Variants in PDE3B observed in about 807,000 individuals in gnomAD.
PDE3B encodes the protein cGMP-inhibited 3',5'-cyclic phosphodiesterase 3B.
A neutral mutation model predicts 116.8 loss-of-function variants in PDE3B; 66 were observed. The observed-to-expected ratio is 0.56, with a 90% confidence interval of 0.46 to 0.69. The LOEUF is 0.69. Ranked by LOEUF, PDE3B falls within the 30% of genes least tolerant of loss-of-function variation. PDE3B has a pLI of 0.00. For synonymous variants in PDE3B, 595 were observed against 533.6 expected (o/e 1.12, Z -1.59); for missense variants, 1,384 against 1,368.1 (o/e 1.01, Z -0.18).
chr11:14,673,636 T>C (rs897463155), intron 1 of PDE3B: 23 of 670,508 alleles, frequency 3.4e-5, no homozygotes, highest in African/African-American at 2.6e-4. Flanking sequence ...TCTCTGGCAC[T>C]AAACAAAGTT....
At chr11:14,832,895 A>T (rs1216656837) in intron 10 of PDE3B, 62 bp downstream of exon 10, 12 of 725,192 alleles carry the variant, frequency 1.7e-5, no homozygotes, top group Non-Finnish European at 2.6e-5. Flanking sequence ...ACTCTTTATC[A>T]TCTTTCTCTT....
chr11:14,828,088 A>C (rs1284552190), intron 7 of PDE3B, among the ~76,000 whole-genome samples: 2 of 152,244 alleles, frequency 1.3e-5, no homozygotes, highest in Non-Finnish European at 1.5e-5. Flanking sequence ...CCTATTCAAT[A>C]AATGGTGGTG....
At chr11:14,885,712 TTAAAA>T in the PDE3B span, 34 of 1,555,910 alleles carry the variant, frequency 2.2e-5, 1 homozygote, top group Middle Eastern at 4.6e-4. Context: ...GCACTAAAAC[TTAAAA>T]TAAGGAATGT....
At chr11:14,767,051 C>CT (rs1292750401) in intron 1 of PDE3B, among the ~76,000 whole-genome samples, 1 of 151,480 alleles carries the variant, frequency 6.6e-6, no homozygotes, top group Non-Finnish European at 1.5e-5. Flanking sequence ...CAGCAATAGT[C>CT]TATCTTTTTT....
At position 14,859,114 on chromosome 11, in the gene PDE3B, T is replaced by C. The variant is rs781882673; in HGVS notation, c.2592T>C (p.Ser864=). The change falls in exon 13 of 16, where the codon TCT becomes TCC. Residue 864 remains serine (S), a synonymous_variant. Transcript: ENST00000282096. ...HAASAWNLYL[S]RPEYNFLLHL... is the part of the protein sequence containing the mutation. ...CGTCAGCTTGGAATCTATATCTTTC[T>C]CGCCCAGAATACAACTTCCTTCTTC... 1 of 1,613,718 alleles carries C rather than the reference T, an allele frequency of 6.2e-7. No homozygotes were observed. Among genetic ancestry groups the C allele is most frequent in the Non-Finnish European group, 8.5e-7 (1 of 1,179,746 alleles).
intron 13 of PDE3B, 141 bp downstream of exon 13, chr11:14,859,387 C>T (rs1847906615): frequency 2.0e-6 from 1 of 495,826 alleles, no homozygotes; most frequent in Non-Finnish European, 3.5e-6. Context: ...ATATATATGC[C>T]TATATTTTTA....
intron 3 of PDE3B, 141 bp downstream of exon 3, chr11:14,786,826 C>A: frequency 1.6e-6 from 1 of 626,396 alleles, no homozygotes; most frequent in Non-Finnish European, 2.8e-6. Flanking sequence ...ATGTTAGAGG[C>A]AATTATAAGC....
intron 12 of PDE3B, among the ~76,000 whole-genome samples, chr11:14,847,992 GC>G (rs1590191518): frequency 6.6e-6 from 1 of 152,082 alleles, no homozygotes; most frequent in Non-Finnish European, 1.5e-5. Flanking sequence ...ATTTTATGAG[GC>G]CAGCATCATC....
At chr11:14,775,645 C>G (rs891122599) in intron 2 of PDE3B, 1 of 152,508 alleles carries the variant, frequency 6.6e-6, no homozygotes. Context: ...TCAAGCGATT[C>G]TCCTGCCTCA....
downstream of PDE3B, among the ~76,000 whole-genome samples, chr11:14,874,083 G>T (rs554289893): frequency 2.0e-5 from 3 of 152,230 alleles, no homozygotes; most frequent in African/African-American, 7.2e-5. Flanking sequence ...TTGTTACTTG[G>T]TGTGGTATTG....
At chr11:14,889,779 T>A in the PDE3B span, among the ~76,000 whole-genome samples, 1 of 152,186 alleles carries the variant, frequency 6.6e-6, no homozygotes, top group Non-Finnish European at 1.5e-5. Context: ...TTCAAATAAC[T>A]TGTTTAAAAA....
intron 7 of PDE3B, among the ~76,000 whole-genome samples, chr11:14,823,868 C>T (rs761830358): frequency 2.6e-5 from 4 of 152,136 alleles, no homozygotes; most frequent in Non-Finnish European, 5.9e-5. Context: ...GGGTCTCCAG[C>T]TCCCCTCACC....
At chr11:14,730,152 G>A (rs188047424) in intron 1 of PDE3B, among the ~76,000 whole-genome samples, 7 of 152,274 alleles carry the variant, frequency 4.6e-5, no homozygotes, top group African/African-American at 1.7e-4. Flanking sequence ...GAACCTCGAT[G>A]TTGCTACCAT....
intron 4 of PDE3B, among the ~76,000 whole-genome samples, chr11:14,801,497 C>G (rs755166770): frequency 1.3e-5 from 2 of 152,228 alleles, no homozygotes; most frequent in Non-Finnish European, 2.9e-5. Flanking sequence ...CCTGTTCTTT[C>G]CTCTGGAAGC....
chr11:14,879,129 C>T, the PDE3B span: 34 of 1,612,812 alleles, frequency 2.1e-5, no homozygotes, highest in Non-Finnish European at 2.7e-5. Context: ...GAAAAAGGAA[C>T]CAAAGCTTCC....
At chr11:14,710,353 C>T (rs1042867392) in intron 1 of PDE3B, among the ~76,000 whole-genome samples, 3 of 152,122 alleles carry the variant, frequency 2.0e-5, no homozygotes, top group Non-Finnish European at 4.4e-5. Context: ...TCCTCTTCCA[C>T]CCAGTCCCTC....
intron 1 of PDE3B, among the ~76,000 whole-genome samples, chr11:14,668,348 C>A (rs1489572752): frequency 6.6e-6 from 1 of 152,084 alleles, no homozygotes; most frequent in South Asian, 2.1e-4. Flanking sequence ...AAAATCCTTT[C>A]CTCACTTTTG....
At chr11:14,706,282 A>G (rs2133823092) in intron 1 of PDE3B, among the ~76,000 whole-genome samples, 1 of 152,054 alleles carries the variant, frequency 6.6e-6, no homozygotes, top group African/African-American at 2.4e-5. Flanking sequence ...TGAATGAAGA[A>G]GGAAAATTAA....
At chr11:14,696,559 A>G (rs1477289456) in intron 1 of PDE3B, among the ~76,000 whole-genome samples, 1 of 152,092 alleles carries the variant, frequency 6.6e-6, no homozygotes, top group African/African-American at 2.4e-5. Flanking sequence ...GAGTGCTTCT[A>G]TATATGTTGA....
Sources: allele counts gnomAD v4.1 joint callset (sites outside exome capture counted in the v4.1 genomes callset), GRCh38; gene constraint gnomAD v4.1.1; transcripts MANE v1.5; gene names NCBI Gene and HGNC (gene_info 2026-07-23, HGNC 2026-07-21).